TTBK2: variants seen among roughly 807,000 people sequenced by gnomAD.
TTBK2 encodes tau-tubulin kinase 2.
Under a neutral mutation model 110.8 loss-of-function variants are expected in TTBK2, and 28 were observed. The observed-to-expected ratio is 0.25, with a 90% CI of 0.19 to 0.35. The LOEUF is 0.35. TTBK2 is among the 10% of genes least tolerant of loss of function. The pLI, the probability that TTBK2 is intolerant of heterozygous loss-of-function variation, is 1.00. For synonymous variants in TTBK2, 532 were observed against 527.3 expected, an observed-to-expected ratio of 1.01 and a Z score of -0.12; for missense variants, 1,369 against 1,500.3, an observed-to-expected ratio of 0.91 and a Z score of 1.45.
At chr15:42,867,112 C>A (rs973118182) in intron 3 of TTBK2, among the ~76,000 whole-genome samples, 9 of 151,856 alleles carry the variant, frequency 5.9e-5, no homozygotes, top group Non-Finnish European at 1.2e-4. Flanking sequence ...GGCATGGTGG[C>A]AGGCGCCTGT....
Position 42,817,047 on chromosome 15 carries a change from G to C in TTBK2, c.588C>G (p.Asn196Lys). ...AGATACCTACCCTGTTCCGATGTGCGTTGATTGATGCATAACGAACTGTCC... is the reference window on the plus strand; with the variant it reads ...AGATACCTACCCTGTTCCGATGTGCCTTGATTGATGCATAACGAACTGTCC... ...FRGTVRYASI[N>K]AHRNREMGRH... The change falls in exon 7 of 15, where the codon AAC (asparagine) becomes AAG (lysine). Residue 196 changes from asparagine (N) to lysine (K), a missense_variant. Transcript: ENST00000267890. The C allele has an allele frequency of 6.2e-7, 1 of 1,605,082 alleles. No homozygotes were observed. Among genetic ancestry groups the C allele is most frequent in the Non-Finnish European group, 8.5e-7 (1 of 1,174,668 alleles).
intron 1 of TTBK2, among the ~76,000 whole-genome samples, chr15:42,892,737 C>T (rs992468401): frequency 6.4e-5 from 9 of 140,444 alleles, no homozygotes; most frequent in African/African-American, 2.4e-4. Flanking sequence ...AAGCCGGGCA[C>T]GGTGGCTCAC....
intron 3 of TTBK2, among the ~76,000 whole-genome samples, chr15:42,852,705 C>A (rs1377544695): frequency 6.6e-6 from 1 of 152,082 alleles, no homozygotes; most frequent in Non-Finnish European, 1.5e-5. Context: ...ATCCTCAAGC[C>A]TACAGATAAT....
chr15:42,917,020 A>C (rs1248718081), intron 1 of TTBK2, among the ~76,000 whole-genome samples: 1 of 152,198 alleles, frequency 6.6e-6, no homozygotes, highest in Non-Finnish European at 1.5e-5. Flanking sequence ...AACATGGTTA[A>C]ATCTCGATAG....
At chr15:42,882,874 A>T (rs1168976187) in intron 1 of TTBK2, among the ~76,000 whole-genome samples, 2 of 152,280 alleles carry the variant, frequency 1.3e-5, no homozygotes, top group South Asian at 4.1e-4. Context: ...GCTCTTAAAG[A>T]ATTGTCAAGG....
intron 3 of TTBK2, among the ~76,000 whole-genome samples, chr15:42,855,754 G>A (rs544726992): frequency 3.3e-5 from 5 of 152,194 alleles, no homozygotes; most frequent in African/African-American, 9.6e-5. Flanking sequence ...GTGCGATTTC[G>A]GCTCACCGCA....
intron 3 of TTBK2, among the ~76,000 whole-genome samples, chr15:42,857,715 T>C (rs1414911020): frequency 6.6e-6 from 1 of 152,136 alleles, no homozygotes; most frequent in Non-Finnish European, 1.5e-5. Context: ...AATACGTTCT[T>C]ACATAAAAAC....
intron 14 of TTBK2, among the ~76,000 whole-genome samples, chr15:42,749,549 G>A (rs1242428585): frequency 6.6e-6 from 1 of 152,180 alleles, no homozygotes; most frequent in East Asian, 1.9e-4. Flanking sequence ...AAAGAACCCT[G>A]TCCTCCAATT....
At chr15:42,815,274 G>A (rs151298798) in intron 7 of TTBK2, among the ~76,000 whole-genome samples, 23 of 151,596 alleles carry the variant, frequency 1.5e-4, no homozygotes, top group Non-Finnish European at 2.8e-4. Context: ...GCTACACACC[G>A]AGAAAAATAG....
intron 2 of TTBK2, among the ~76,000 whole-genome samples, chr15:42,875,937 C>A (rs1281167004): frequency 1.4e-5 from 2 of 147,428 alleles, no homozygotes; most frequent in African/African-American, 5.1e-5. Context: ...AGAAATGGGA[C>A]CATCCTGAGA....
intron 9 of TTBK2, among the ~76,000 whole-genome samples, chr15:42,810,103 T>G (rs1287590513): frequency 6.6e-6 from 1 of 152,162 alleles, no homozygotes; most frequent in Non-Finnish European, 1.5e-5. Flanking sequence ...AGGGATGTAA[T>G]TTGTAGTAAA....
At chr15:42,769,064 A>C (rs951284539) in intron 13 of TTBK2, among the ~76,000 whole-genome samples, 3 of 152,248 alleles carry the variant, frequency 2.0e-5, no homozygotes, top group Non-Finnish European at 4.4e-5. Context: ...CCATATGTAG[A>C]AAGTTGAAAT....
At chr15:42,913,533 G>A (rs1302851291) in intron 1 of TTBK2, among the ~76,000 whole-genome samples, 1 of 152,022 alleles carries the variant, frequency 6.6e-6, no homozygotes, top group African/African-American at 2.4e-5. Flanking sequence ...AGCTACTCAG[G>A]AGGCTGAGGC....
intron 10 of TTBK2, among the ~76,000 whole-genome samples, chr15:42,792,451 C>CT (rs1218378364): frequency 1.3e-5 from 2 of 152,004 alleles, no homozygotes; most frequent in Admixed American, 6.6e-5. Flanking sequence ...ACACTTCTCC[C>CT]TTTTTTTTCT....
At position 42,799,652 on chromosome 15, in the gene TTBK2, T is replaced by A. The variant is rs1271776988; in HGVS notation, c.823-4851A>T. On this transcript the variant is annotated intron_variant, in intron 9 of 14. Coordinates refer to ENST00000267890, the MANE Select transcript of TTBK2 (RefSeq NM_173500.4). ...GGTTTTGCCATGTCGGCCAGGCTGG[T>A]CTTGAACTCCTGACCTCAAGTGATC... 2.0e-5 allele frequency among the ~76,000 whole-genome samples: 3 copies of A among 152,046 alleles called. No individual in the cohort carries two copies. In the East Asian group the frequency reaches 5.8e-4, roughly 30 times the overall value.
At position 42,757,105 on chromosome 15, in the gene TTBK2, T is replaced by A. The variant is rs76343065; in HGVS notation, c.1999-3858A>T. On this transcript the variant is annotated intron_variant, in intron 13 of 14. Coordinates refer to ENST00000267890, the MANE Select transcript of TTBK2 (RefSeq NM_173500.4). ...TTAATCAGGTACTATTATCATTTTT[T>A]AATTATTATTATTATTTTTAGAGAC... Among the ~76,000 whole-genome samples, 451 of 152,170 alleles carry A rather than the reference T, an allele frequency of 3.0e-3. 7 individuals are homozygous for A. The East Asian group carries it at 0.041, about 14-fold the overall frequency.
At position 42,819,826 on chromosome 15, in the gene TTBK2, C is replaced by T. The variant is rs1192723031; in HGVS notation, c.538-2729G>A. Among the ~76,000 whole-genome samples the T allele has an allele frequency of 2.6e-5, 4 of 152,170 alleles. No homozygotes were observed. The East Asian group carries it at 7.7e-4, about 29-fold the overall frequency. The stretch of plus-strand genomic sequence containing the variant: ...ACGTTTCAGAGGTTGTACTTTTATT[C>T]ATTACCTGACATGACCCTTCAGCTA... On this transcript the variant is annotated intron_variant, in intron 6 of 14. Transcript: ENST00000267890.
At chr15:42,866,292 A>G (rs1342630383) in intron 3 of TTBK2, among the ~76,000 whole-genome samples, 1 of 152,104 alleles carries the variant, frequency 6.6e-6, no homozygotes, top group Non-Finnish European at 1.5e-5. Flanking sequence ...TAATAATAGT[A>G]ATAATAATAA....
intron 10 of TTBK2, among the ~76,000 whole-genome samples, chr15:42,791,487 C>T (rs1245733879): frequency 7.1e-6 from 1 of 141,498 alleles, no homozygotes; most frequent in Admixed American, 6.7e-5. Context: ...TTCATTCTCT[C>T]AGGGTTTTTT....
Sources: gnomAD v4.1 joint callset for allele counts (sites outside exome capture counted in the v4.1 genomes callset) on GRCh38, gnomAD v4.1.1 for gene constraint, MANE v1.5 for transcripts, NCBI Gene and HGNC (gene_info 2026-07-23, HGNC 2026-07-21) for gene names.